The following PLA2R1 variants were observed in gnomAD, a reference collection of about 807,000 sequenced individuals.
PLA2R1 encodes the protein phospholipase A2 receptor 1, also known as secretory phospholipase A2 receptor.
Under a neutral mutation model 195.9 loss-of-function variants are expected in PLA2R1, and 158 were observed. The ratio of observed to expected loss-of-function variants is 0.81; its 90% CI spans 0.71 to 0.92. The LOEUF is 0.92. PLA2R1 is among the 40% of genes least tolerant of loss of function. PLA2R1 has a pLI of 0.00. For missense variants in PLA2R1, 1,626 were observed against 1,764.6 expected (o/e 0.92, Z 1.41); for synonymous variants, 586 against 598.2 (o/e 0.98, Z 0.30).
intron 16 of PLA2R1, 60 bp from the exon 17 acceptor site, chr2:159,976,285 C>A: frequency 8.2e-7 from 1 of 1,224,890 alleles, no homozygotes; most frequent in East Asian, 2.5e-5. Context: ...AGGATTGACC[C>A]CAAATTTGAG....
intron 20 of PLA2R1, among the ~76,000 whole-genome samples, chr2:159,959,084 T>A (rs1372731474): frequency 2.0e-5 from 3 of 152,246 alleles, no homozygotes; most frequent in Non-Finnish European, 4.4e-5. Flanking sequence ...TAAACTGAAT[T>A]GGCTTTCAAG....
chr2:160,028,335 C>A lies in PLA2R1; in HGVS notation c.982G>T (p.Asp328Tyr). Residue 328 changes from aspartate (D) to tyrosine (Y), a missense_variant, in exon 6 of 30, where the codon GAT (aspartate) becomes TAT (tyrosine). Coordinates refer to ENST00000283243, the MANE Select transcript of PLA2R1 (RefSeq NM_007366.5). Reference sequence around the variant, plus strand: ...AATGAACTAAATGTTCCACAGTGATCTTCAACAAATGGCTCAAAATTTACC... The same window carrying A: ...AATGAACTAAATGTTCCACAGTGATATTCAACAAATGGCTCAAAATTTACC... ...PEVNFEPFVE[D>Y]HCGTFSSFMP... 1 of 1,609,242 alleles carries A rather than the reference C, an allele frequency of 6.2e-7. No individual in the cohort carries two copies. Among genetic ancestry groups the A allele is most frequent in the Non-Finnish European group, 8.5e-7 (1 of 1,177,098 alleles).
intron 1 of PLA2R1, among the ~76,000 whole-genome samples, chr2:160,057,521 C>G (rs1695634159): frequency 6.6e-6 from 1 of 152,208 alleles, no homozygotes; most frequent in South Asian, 2.1e-4. Flanking sequence ...CCCAGGAATG[C>G]TCAGTCTCCT....
intron 11 of PLA2R1, among the ~76,000 whole-genome samples, chr2:159,995,092 G>T (rs572144555): frequency 6.6e-6 from 1 of 152,070 alleles, no homozygotes; most frequent in Non-Finnish European, 1.5e-5. Flanking sequence ...CCAAGCTAAT[G>T]GATTCTTTTG....
chr2:159,987,469 A>G, intron 11 of PLA2R1, 111 bp from the exon 12 acceptor site: 2 of 713,118 alleles, frequency 2.8e-6, no homozygotes, highest in Admixed American at 2.5e-5. Context: ...AAGCACCCAG[A>G]CAAGAGCAAT....
At chr2:160,028,733 T>TA in intron 5 of PLA2R1, 117 bp downstream of exon 5, 1 of 656,450 alleles carries the variant, frequency 1.5e-6, no homozygotes, top group Non-Finnish European at 2.7e-6. Context: ...TCAGTCAGGC[T>TA]AAAAAATGTT....
intron 9 of PLA2R1, among the ~76,000 whole-genome samples, chr2:160,015,831 C>A (rs1692704046): frequency 6.6e-6 from 1 of 152,134 alleles, no homozygotes; most frequent in Non-Finnish European, 1.5e-5. Flanking sequence ...AATTGCAATA[C>A]AAATAACTGG....
At chr2:160,023,986 TC>T (rs1241549146) in intron 6 of PLA2R1, among the ~76,000 whole-genome samples, 2 of 142,396 alleles carry the variant, frequency 1.4e-5, no homozygotes, top group Non-Finnish European at 3.0e-5. Context: ...CCTAGCAGCC[TC>T]CAACACCACC....
chr2:160,022,878 A>G lies in PLA2R1; in HGVS notation c.1100-19T>C. The stretch of plus-strand genomic sequence containing the variant: ...TCTTTTTCTTTTTAAACCAACAAAA[A>G]ACAATGTCATTTTCCACAATTATTT... On this transcript the variant is annotated intron_variant, in intron 6 of 29. Coordinates refer to ENST00000283243, the MANE Select transcript of PLA2R1 (RefSeq NM_007366.5). 9 of 1,518,488 alleles carry G rather than the reference A, an allele frequency of 5.9e-6. No individual in the cohort carries two copies. Among genetic ancestry groups the G allele is most frequent in the Non-Finnish European group, 7.2e-6 (8 of 1,115,134 alleles). The allele number at this position is 1,518,488 out of a possible 1,614,324, so 94.1% of individuals were successfully genotyped here.
In PLA2R1 at chr2:159,979,915, C is replaced by T. The variant is rs973557268; in HGVS notation, c.2184-1G>A. 1.7e-5 allele frequency: 27 copies of T among 1,572,438 alleles called. No individual in the cohort carries two copies. The East Asian group carries it at 1.8e-4, about 10-fold the overall frequency. ...AATCCAGAACTGCCTTTCTTCTGTCCTGTAAAGAGAAGAAACAAAAGCTTT... is the reference window on the plus strand; with the variant it reads ...AATCCAGAACTGCCTTTCTTCTGTCTTGTAAAGAGAAGAAACAAAAGCTTT... On this transcript the variant is annotated splice_acceptor_variant, in intron 13 of 29. Coordinates refer to ENST00000283243, the MANE Select transcript of PLA2R1 (RefSeq NM_007366.5). LOFTEE classifies it high-confidence loss of function.
intron 13 of PLA2R1, among the ~76,000 whole-genome samples, chr2:159,982,018 G>A (rs1190444512): frequency 1.3e-5 from 2 of 151,962 alleles, no homozygotes; most frequent in African/African-American, 4.8e-5. Flanking sequence ...ATTTAGCTTG[G>A]GACTAAATTC....
chr2:160,055,572 C>T (rs1695483891), intron 1 of PLA2R1, among the ~76,000 whole-genome samples: 1 of 152,186 alleles, frequency 6.6e-6, no homozygotes, highest in Admixed American at 6.5e-5. Flanking sequence ...AAATCGCATG[C>T]TTCTGTCATG....
In PLA2R1 at chr2:160,045,097, G is replaced by A. The variant is rs149332956; in HGVS notation, c.170C>T (p.Ser57Leu). Residue 57 changes from serine to leucine, a missense_variant, in exon 2 of 30, where the codon TCG becomes TTG. Physicochemically the swap from Ser to Leu is moderately radical, Grantham distance 145. Transcript: ENST00000283243. ...CTTGCAGTTCTCCAGGGTCAGAACC[G>A]ATTTACCTGCTTGAATGCATTTCTT... ...SLKKCIQAGK[S>L]VLTLENCKQA... 1.1e-5 allele frequency: 18 copies of A among 1,612,674 alleles called. No individual in the cohort carries two copies. In the East Asian group the frequency reaches 1.3e-4, roughly 12 times the overall value.
downstream of PLA2R1, among the ~76,000 whole-genome samples, chr2:159,930,340 A>C (rs1340705323): frequency 1.3e-5 from 2 of 151,790 alleles, no homozygotes; most frequent in East Asian, 3.9e-4. Flanking sequence ...CCTGGGAGGC[A>C]GAGCTTGCAG....
At position 159,941,507 on chromosome 2, in the gene PLA2R1, G is replaced by C. The variant is rs1687085169; in HGVS notation, c.*271C>G. ...GCATTGATTTCAGAGTTTTCAATAG[G>C]GAGTTTCTTTTAATAGTTCTTGTCT... On this transcript the variant is annotated 3_prime_UTR_variant, in exon 30 of 30. Transcript: ENST00000283243. 1 of 257,080 alleles carries C rather than the reference G, an allele frequency of 3.9e-6. No individual in the cohort carries two copies. Among genetic ancestry groups the C allele is most frequent in the Middle Eastern group, 1.2e-3 (1 of 844 alleles). The allele number at this position is 257,080 out of a possible 1,614,324, so 15.9% of individuals were successfully genotyped here. A position where few individuals can be genotyped will look rare whatever the true frequency, so the allele number is the denominator to read the frequency against.
At chr2:160,001,872 G>A (rs1049770195) in intron 11 of PLA2R1, among the ~76,000 whole-genome samples, 11 of 151,754 alleles carry the variant, frequency 7.2e-5, no homozygotes, top group Non-Finnish European at 1.3e-4. Flanking sequence ...ATAGTGGGAG[G>A]TATCAAACAC....
chr2:160,013,490 A>T, intron 9 of PLA2R1, 115 bp from the exon 10 acceptor site: 2 of 493,964 alleles, frequency 4.0e-6, no homozygotes, highest in South Asian at 7.9e-5. Context: ...CTCCTTTAAA[A>T]CTCCTTGAAT....
intron 3 of PLA2R1, among the ~76,000 whole-genome samples, chr2:160,037,613 T>C (rs1694242687): frequency 6.6e-6 from 1 of 152,170 alleles, no homozygotes; most frequent in Non-Finnish European, 1.5e-5. Context: ...TATTATTATT[T>C]TTTAGTTCTA....
the PLA2R1 span, among the ~76,000 whole-genome samples, chr2:159,925,581 TG>T: frequency 4.2e-3 from 623 of 150,050 alleles, 6 homozygotes; most frequent in African/African-American, 0.014. Flanking sequence ...AAAAAAGTTG[TG>T]GAAAAAAATG....
Sources: gnomAD v4.1 joint callset for allele counts (sites outside exome capture counted in the v4.1 genomes callset) on GRCh38, gnomAD v4.1.1 for gene constraint, MANE v1.5 for transcripts, NCBI Gene and HGNC (gene_info 2026-07-23, HGNC 2026-07-21) for gene names.